The following ZNF621 variants were observed in gnomAD, a reference collection of about 807,000 sequenced individuals.
The protein encoded by ZNF621 is zinc finger protein 621.
In ZNF621, 6 loss-of-function variants were observed where a neutral mutation model predicts 12.7. The observed-to-expected ratio is 0.47, with a 90% CI of 0.26 to 0.93. ZNF621 has a LOEUF of 0.93. ZNF621 is among the 40% of genes least tolerant of loss of function. ZNF621 has a pLI of 0.15. For synonymous variants in ZNF621, 156 were observed against 190.3 expected (o/e 0.82, Z 1.48); for missense variants, 474 against 524.0 (o/e 0.90, Z 0.93).
At position 40,532,131 on chromosome 3, in the gene ZNF621, G is replaced by A. The variant is rs530323311; in HGVS notation, c.361G>A (p.Val121Ile). 55 of 1,614,162 alleles carry A rather than the reference G, an allele frequency of 3.4e-5. No individual in the cohort carries two copies. Among genetic ancestry groups the A allele is most frequent in the African/African-American group, 1.6e-4 (12 of 75,040 alleles). ...RMPVGGLLRN[V>I]SQHFDFKRKA... ...GCCAGTAGGAGGACTTCTCAGGAAC[G>A]TTTCTCAGCACTTTGATTTTAAAAG... Residue 121 changes from valine to isoleucine, a missense_variant, in exon 5 of 5, where the codon GTT becomes ATT. Coordinates refer to ENST00000339296, the MANE Select transcript of ZNF621 (RefSeq NM_198484.5).
At chr3:40,523,792 C>CAAAA (rs560219486), upstream of ZNF621, among the ~76,000 whole-genome samples, 3 of 66,794 alleles carry the variant, frequency 4.5e-5, no homozygotes, top group South Asian at 5.2e-4. Context: ...AAAAAACAAG[C>CAAAA]AAAAAAAAAA....
Position 40,529,323 on chromosome 3 carries a change from C to CA in ZNF621, c.30dup (p.Val11SerfsTer4). On this transcript the variant is annotated frameshift_variant, in exon 3 of 5. Transcript: ENST00000339296. LOFTEE classifies it high-confidence loss of function. ...AGCAGGAACCTGTTGTTTCAGGAGTCAGTGACCTTTGAGGATGTGGCTGTT... is the reference window on the plus strand; with the variant it reads ...AGCAGGAACCTGTTGTTTCAGGAGTCAAGTGACCTTTGAGGATGTGGCTGTT... 3 of 1,613,204 alleles carry CA rather than the reference C, an allele frequency of 1.9e-6. No individual in the cohort carries two copies. The highest frequency in any genetic ancestry group is 2.5e-6 in the Non-Finnish European group (3 of 1,179,426).
rs764224253 is a variant in ZNF621, at chr3:40,529,379, G to C, written c.85G>C (p.Asp29His). Residue 29 changes from aspartate to histidine, a missense_variant, in exon 3 of 5, where the codon GAC becomes CAC. Asp to His is a moderately conservative substitution (Grantham distance 81). Transcript: ENST00000339296. ...CACCCAGAATCAATGGGCCAGCCTC[G>C]ACCCTGCGCAGAGGGCCCTGTACGG... The part of the protein sequence containing the change: ...YFTQNQWASL[D>H]PAQRALYGEV... 1.9e-6 allele frequency: 3 copies of C among 1,613,806 alleles called. No homozygotes were observed. Among genetic ancestry groups the C allele is most frequent in the Non-Finnish European group, 2.5e-6 (3 of 1,179,898 alleles).
rs181948733 is a variant in ZNF621 at position 40,531,918 on chromosome 3, C to T, written c.260-112C>T. On this transcript the variant is annotated intron_variant, in intron 4 of 4. Transcript: ENST00000339296. ...CTCCTTTATAGATGCTTGTATATAACCATTTCACAGGTATCTTTAAAAATT... is the reference window on the plus strand; with the variant it reads ...CTCCTTTATAGATGCTTGTATATAATCATTTCACAGGTATCTTTAAAAATT... 4.6e-4 allele frequency: 459 copies of T among 1,007,388 alleles called. 1 individual carries two copies. The African/African-American group carries it at 6.6e-3, about 14-fold the overall frequency. 62.4% of individuals were successfully genotyped at this position (1,007,388 alleles called of 1,614,324 possible).
At chr3:40,529,590 G>C in intron 3 of ZNF621, 145 bp downstream of exon 3, 1 of 1,552,308 alleles carries the variant, frequency 6.4e-7, no homozygotes, top group African/African-American at 1.4e-5. Context: ...GGAAATCCTT[G>C]GTTCTCTTTG....
chr3:40,525,931 G>T, intron 2 of ZNF621, 67 bp downstream of exon 2: 1 of 1,587,082 alleles, frequency 6.3e-7, no homozygotes, highest in Non-Finnish European at 8.6e-7. Context: ...TTAGCTATCA[G>T]ATAATCAGGA....
upstream of ZNF621, among the ~76,000 whole-genome samples, chr3:40,524,604 C>T (rs1020701618): frequency 9.8e-5 from 15 of 152,336 alleles, no homozygotes; most frequent in Middle Eastern, 3.4e-3. Context: ...CGCCATTCTC[C>T]CCTCACCTGC....
intron 4 of ZNF621, among the ~76,000 whole-genome samples, chr3:40,531,208 G>T (rs1463865689): frequency 1.3e-5 from 2 of 152,154 alleles, no homozygotes. Context: ...TGGGGTGATT[G>T]CCTGGGTTAC....
rs139646013 is a variant in ZNF621 at position 40,536,884 on chromosome 3, T to C, written c.*3794T>C. 2 of 152,314 alleles carry C rather than the reference T, an allele frequency of 1.3e-5. No individual in the cohort carries two copies. Among genetic ancestry groups the C allele is most frequent in the Non-Finnish European group, 2.9e-5 (2 of 68,026 alleles). 9.4% of individuals were successfully genotyped at this position (152,314 alleles called of 1,614,324 possible). On this transcript the variant is annotated 3_prime_UTR_variant, in exon 5 of 5. Transcript: ENST00000339296. The stretch of plus-strand genomic sequence containing the variant: ...ACTTAAAATATTTCAAACTTTTCAT[T>C]ATATGTGTTTTGGTGATTAGTGACT...
chr3:40,535,297 C>T lies in ZNF621; in HGVS notation c.*2207C>T, dbSNP rs1184355887. ...GTGCCAGTGTTTTAAGGTTCTGTCA[C>T]ACTCAGTAACCCACTTCTGGTTCCT... On this transcript the variant is annotated 3_prime_UTR_variant, in exon 5 of 5. Coordinates refer to ENST00000339296, the MANE Select transcript of ZNF621 (RefSeq NM_198484.5). 1 of 152,242 alleles carries T rather than the reference C, an allele frequency of 6.6e-6. No individual in the cohort carries two copies. Among genetic ancestry groups the T allele is most frequent in the African/African-American group, 2.4e-5 (1 of 41,466 alleles). The allele number at this position is 152,242 out of a possible 1,614,324, so 9.4% of individuals were successfully genotyped here.
In ZNF621 at chr3:40,535,457, A is replaced by G. The variant is rs1239689724; in HGVS notation, c.*2367A>G. 1 of 152,198 alleles carries G rather than the reference A, an allele frequency of 6.6e-6. No homozygotes were observed. Among genetic ancestry groups the G allele is most frequent in the African/African-American group, 2.4e-5 (1 of 41,446 alleles). The allele number at this position is 152,198 out of a possible 1,614,324, so 9.4% of individuals were successfully genotyped here. On this transcript the variant is annotated 3_prime_UTR_variant, in exon 5 of 5. Coordinates refer to ENST00000339296, the MANE Select transcript of ZNF621 (RefSeq NM_198484.5). ...AGGCAGAAGCCAGGAAAAATGACCA[A>G]CCACAGAACCAAGTGGTTCCAGTGG...
Position 40,529,404 on chromosome 3 carries a change from G to A in ZNF621, c.110G>A (p.Gly37Glu), listed in dbSNP as rs374160688. 1.2e-6 allele frequency: 2 copies of A among 1,613,720 alleles called. No homozygotes were observed. The highest frequency in any genetic ancestry group is 1.7e-5 in the Admixed American group (1 of 60,014). Reference sequence around the variant, plus strand: ...GACCCTGCGCAGAGGGCCCTGTACGGGGAGGTGATGCTGGAGAATTATGCA... The same window carrying A: ...GACCCTGCGCAGAGGGCCCTGTACGAGGAGGTGATGCTGGAGAATTATGCA... ...SLDPAQRALY[G>E]EVMLENYANV... Residue 37 changes from glycine (G) to glutamate (E), a missense_variant, in exon 3 of 5, where the codon GGG becomes GAG. By Grantham distance (98) the Gly-to-Glu change is moderately conservative (BLOSUM62 -2). Transcript: ENST00000339296.
At chr3:40,523,404 T>C (rs773457634), upstream of ZNF621, among the ~76,000 whole-genome samples, 3 of 152,196 alleles carry the variant, frequency 2.0e-5, no homozygotes, top group Non-Finnish European at 4.4e-5. Context: ...AGCATGGAAA[T>C]GCTTGGTGGT....
chr3:40,529,089 G>C (rs540970618), intron 2 of ZNF621, among the ~76,000 whole-genome samples: 1 of 152,158 alleles, frequency 6.6e-6, no homozygotes. Flanking sequence ...CAGCAGTTAC[G>C]GGCTCCAGAG....
In ZNF621 at chr3:40,532,818, G is replaced by A. The variant is rs148409262; in HGVS notation, c.1048G>A (p.Val350Ile). The change falls in exon 5 of 5, where the codon GTC (valine) becomes ATC (isoleucine). Residue 350 changes from valine to isoleucine, a missense_variant. Physicochemically the swap from Val to Ile is conservative, Grantham distance 29. Coordinates refer to ENST00000339296, the MANE Select transcript of ZNF621 (RefSeq NM_198484.5). ...LHPVEKKPVKVLGPSLVSPQC... is the reference protein window; with the variant it reads ...LHPVEKKPVKILGPSLVSPQC... ...CCCTGTGGAGAAGAAGCCAGTCAAGGTCCTTGGGCCATCCCTGGTCAGTCC... is the reference window on the plus strand; with the variant it reads ...CCCTGTGGAGAAGAAGCCAGTCAAGATCCTTGGGCCATCCCTGGTCAGTCC... The A allele has an allele frequency of 2.6e-4, 424 of 1,614,034 alleles. No homozygotes were observed. Among genetic ancestry groups the A allele is most frequent in the Non-Finnish European group, 3.5e-4 (412 of 1,180,032 alleles).
At chr3:40,527,922 C>T (rs759587644) in intron 2 of ZNF621, among the ~76,000 whole-genome samples, 6 of 152,120 alleles carry the variant, frequency 3.9e-5, no homozygotes, top group Non-Finnish European at 5.9e-5. Flanking sequence ...TATCTCCTGC[C>T]ACCACAAAAC....
chr3:40,530,222 C>T lies in ZNF621; in HGVS notation c.165C>T (p.Phe55=), dbSNP rs982991987. The T allele has an allele frequency of 6.2e-7, 1 of 1,613,328 alleles. No homozygotes were observed. Among genetic ancestry groups the T allele is most frequent in the Non-Finnish European group, 8.5e-7 (1 of 1,179,610 alleles). Residue 55 remains phenylalanine (F), a synonymous_variant, in exon 4 of 5, where the codon TTC becomes TTT. Coordinates refer to ENST00000339296, the MANE Select transcript of ZNF621 (RefSeq NM_198484.5). The part of the protein sequence containing the change: ...ANVASLVAFP[F]PKPALISHLE... ...TTCTTCATGAAGTAGCGTTTCCATT[C>T]CCCAAACCTGCTCTGATCTCCCACC...
chr3:40,533,403 A>G lies in ZNF621; in HGVS notation c.*313A>G, dbSNP rs1698786911. 2 of 311,632 alleles carry G rather than the reference A, an allele frequency of 6.4e-6. No individual in the cohort carries two copies. Among genetic ancestry groups the G allele is most frequent in the African/African-American group, 4.2e-5 (2 of 47,526 alleles). 19.3% of individuals were successfully genotyped at this position (311,632 alleles called of 1,614,324 possible). A position where few individuals can be genotyped will look rare whatever the true frequency, so the allele number is the denominator to read the frequency against. On this transcript the variant is annotated 3_prime_UTR_variant, in exon 5 of 5. Transcript: ENST00000339296. ...TGATCCGCCTGCCTTGGCCCCCCAA[A>G]GTGCTGGGATTACAGGAGTGAGCCA... is the stretch of plus-strand genomic sequence containing the variant.
At chr3:40,527,924 C>T (rs1049153296) in intron 2 of ZNF621, among the ~76,000 whole-genome samples, 1 of 152,178 alleles carries the variant, frequency 6.6e-6, no homozygotes, top group Non-Finnish European at 1.5e-5. Context: ...TCTCCTGCCA[C>T]CACAAAACAC....
Sources: gnomAD v4.1 joint callset for allele counts (sites outside exome capture counted in the v4.1 genomes callset) on GRCh38, gnomAD v4.1.1 for gene constraint, MANE v1.5 for transcripts, NCBI Gene and HGNC (gene_info 2026-07-23, HGNC 2026-07-21) for gene names.